Variants in CXADR observed in about 807,000 individuals in gnomAD.
The protein encoded by CXADR is CXADR cell adhesion molecule, also known as coxsackievirus and adenovirus receptor.
A neutral mutation model predicts 40.3 loss-of-function variants in CXADR; 20 were observed. That is an observed-to-expected ratio of 0.50 (90% CI 0.35 to 0.72). The LOEUF is 0.72. Ranked by LOEUF, CXADR falls within the 30% of genes least tolerant of loss-of-function variation. CXADR has a pLI of 0.01. For synonymous variants in CXADR, 150 were observed against 161.3 expected, an observed-to-expected ratio of 0.93 and a Z score of 0.53; for missense variants, 332 against 449.1, an observed-to-expected ratio of 0.74 and a Z score of 2.36.
At chr21:17,570,622 C>T (rs1436994914), downstream of CXADR, among the ~76,000 whole-genome samples, 1 of 152,176 alleles carries the variant, frequency 6.6e-6, no homozygotes, top group African/African-American at 2.4e-5. Context: ...GACTTGATCA[C>T]TTCCCAGAGG....
Position 17,560,696 on chromosome 21 carries a change from C to T in CXADR, c.572-6C>T. ...TGAGTTTGTTTTCTTTTTCCTCCTTCCATAGAAATGACTTCATCTGTTATA... is the reference window on the plus strand; with the variant it reads ...TGAGTTTGTTTTCTTTTTCCTCCTTTCATAGAAATGACTTCATCTGTTATA... On this transcript the variant is annotated splice_polypyrimidine_tract_variant and splice_region_variant and intron_variant, in intron 4 of 6. Coordinates refer to ENST00000284878, the MANE Select transcript of CXADR (RefSeq NM_001338.5). 6.2e-7 allele frequency: 1 copy of T among 1,610,664 alleles called. No homozygotes were observed. The highest frequency in any genetic ancestry group is 2.2e-5 in the East Asian group (1 of 44,844).
chr21:17,527,950 G>A (rs1290998480), intron 1 of CXADR, among the ~76,000 whole-genome samples: 3 of 150,326 alleles, frequency 2.0e-5, no homozygotes, highest in Non-Finnish European at 4.4e-5. Flanking sequence ...TAGTATTTAC[G>A]TTTTACAATG....
chr21:17,610,220 G>A, the CXADR span, among the ~76,000 whole-genome samples: 1 of 152,154 alleles, frequency 6.6e-6, no homozygotes, highest in Non-Finnish European at 1.5e-5. Context: ...ACTTTTTGAG[G>A]TGATAAAAAT....
At position 17,567,826 on chromosome 21, in the gene CXADR, TATC is replaced by T. The variant is rs779523118; in HGVS notation, c.*2137_*2139del. On this transcript the variant is annotated 3_prime_UTR_variant, in exon 7 of 7. Coordinates refer to ENST00000284878, the MANE Select transcript of CXADR (RefSeq NM_001338.5). ...TTATCCTATTGATCTAAGTAGAAGTTATCATAGAAAGTGGACACGTATAAGACT... is the reference window on the plus strand; with the variant it reads ...TTATCCTATTGATCTAAGTAGAAGTTATAGAAAGTGGACACGTATAAGACT... 4.2e-6 allele frequency: 4 copies of T among 960,590 alleles called. No homozygotes were observed. Among genetic ancestry groups the T allele is most frequent in the Non-Finnish European group, 5.0e-6 (4 of 807,514 alleles). 59.5% of individuals were successfully genotyped at this position (960,590 alleles called of 1,614,324 possible).
intron 7 of CXADR, among the ~76,000 whole-genome samples, chr21:17,583,555 G>A (rs1431166907): frequency 3.3e-5 from 5 of 152,044 alleles, no homozygotes; most frequent in African/African-American, 7.3e-5. Context: ...CTTGAAATAC[G>A]CTACCATCTC....
At chr21:17,558,917 T>C in intron 3 of CXADR, 59 bp from the exon 4 acceptor site, 1 of 1,524,880 alleles carries the variant, frequency 6.6e-7, no homozygotes, top group Admixed American at 1.9e-5. Flanking sequence ...TACAATGCTG[T>C]ATTCATAAAA....
chr21:17,590,442 G>A (rs1174134992), intron 7 of CXADR, among the ~76,000 whole-genome samples: 1 of 152,000 alleles, frequency 6.6e-6, no homozygotes, highest in African/African-American at 2.4e-5. Context: ...GAACATAGAA[G>A]ATGGACTAAT....
intron 6 of CXADR, among the ~76,000 whole-genome samples, chr21:17,564,307 C>T (rs2061171016): frequency 6.9e-6 from 1 of 144,622 alleles, no homozygotes; most frequent in Admixed American, 7.1e-5. Context: ...CCAACCTGAG[C>T]AAGATGTCTC....
chr21:17,522,017 T>G (rs900140465), intron 1 of CXADR, among the ~76,000 whole-genome samples: 3 of 152,188 alleles, frequency 2.0e-5, no homozygotes, highest in African/African-American at 7.2e-5. Context: ...TTTTTTATTT[T>G]TAAATTATTT....
At chr21:17,613,007 G>C in the CXADR span, 3 of 151,936 alleles carry the variant, frequency 2.0e-5, no homozygotes, top group African/African-American at 7.2e-5. Flanking sequence ...GCGCGCCTGA[G>C]GGGCGGTGCC....
chr21:17,632,227 A>G, the CXADR span, among the ~76,000 whole-genome samples: 1 of 152,198 alleles, frequency 6.6e-6, no homozygotes, highest in Non-Finnish European at 1.5e-5. Context: ...TTCAGAGTGG[A>G]CCATTCGCAG....
the CXADR span, among the ~76,000 whole-genome samples, chr21:17,628,346 C>G: frequency 2.0e-4 from 30 of 152,256 alleles, no homozygotes; most frequent in African/African-American, 7.0e-4. Context: ...AGCTGGAGAC[C>G]CAGGGGAGCC....
At chr21:17,564,059 G>T (rs1389923195) in intron 6 of CXADR, among the ~76,000 whole-genome samples, 1 of 151,478 alleles carries the variant, frequency 6.6e-6, no homozygotes, top group Non-Finnish European at 1.5e-5. Context: ...TCTATGAAGT[G>T]TAATAAAAGC....
chr21:17,593,031 A>T, intron 7 of CXADR: 2 of 850,566 alleles, frequency 2.4e-6, no homozygotes, highest in Non-Finnish European at 3.2e-6. Flanking sequence ...CAAATAATTT[A>T]AGACTGCAAA....
chr21:17,590,161 A>T (rs1227253789), intron 7 of CXADR, among the ~76,000 whole-genome samples: 1 of 151,820 alleles, frequency 6.6e-6, no homozygotes, highest in East Asian at 1.9e-4. Flanking sequence ...GTCCTATGAA[A>T]TTTAAACACA....
At chr21:17,522,357 A>T (rs2060542281) in intron 1 of CXADR, among the ~76,000 whole-genome samples, 1 of 152,126 alleles carries the variant, frequency 6.6e-6, no homozygotes, top group African/African-American at 2.4e-5. Flanking sequence ...CATGTTAGTC[A>T]GGCTGGTTGT....
At chr21:17,536,995 T>A (rs144745214) in intron 1 of CXADR, among the ~76,000 whole-genome samples, 2,055 of 152,188 alleles carry the variant, frequency 0.014, 46 homozygotes, top group African/African-American at 0.045. Context: ...TGACCTCAAA[T>A]GATCCGCCCG....
chr21:17,568,430 G>A lies in CXADR; in HGVS notation c.*2738G>A, dbSNP rs912005254. ...GGCGTGAACCACTGCACCCGGCCCA[G>A]TACTGCATCTTAACAGCAAAGCCAT... On this transcript the variant is annotated 3_prime_UTR_variant, in exon 7 of 7. Transcript: ENST00000284878. The A allele has an allele frequency of 2.0e-6, 2 of 984,956 alleles. No individual in the cohort carries two copies. Among genetic ancestry groups the A allele is most frequent in the South Asian group, 9.4e-5 (2 of 21,270 alleles). The allele number at this position is 984,956 out of a possible 1,614,324, so 61.0% of individuals were successfully genotyped here.
At chr21:17,619,244 G>A in the CXADR span, among the ~76,000 whole-genome samples, 1 of 152,148 alleles carries the variant, frequency 6.6e-6, no homozygotes, top group Non-Finnish European at 1.5e-5. Context: ...GCCAGGCTGG[G>A]CGCAATGCCT....
Sources: allele counts gnomAD v4.1 joint callset (sites outside exome capture counted in the v4.1 genomes callset), GRCh38; gene constraint gnomAD v4.1.1; transcripts MANE v1.5; gene names NCBI Gene and HGNC (gene_info 2026-07-23, HGNC 2026-07-21).